ENTREP2: variants seen among roughly 807,000 people sequenced by gnomAD.
ENTREP2 encodes the protein protein ENTREP2.
At chr15:29,210,226 G>A in the ENTREP2 span, among the ~76,000 whole-genome samples, 8 of 152,150 alleles carry the variant, frequency 5.3e-5, no homozygotes, top group Admixed American at 2.6e-4. Flanking sequence ...CCCAGGGCCA[G>A]GTAAGGTACT....
At chr15:29,674,139 G>GGA in the ENTREP2 span, among the ~76,000 whole-genome samples, 1 of 149,898 alleles carries the variant, frequency 6.7e-6, no homozygotes, top group Non-Finnish European at 1.5e-5. Flanking sequence ...GGGGGGGGGG[G>GGA]GGGGCTTTGC....
the ENTREP2 span, among the ~76,000 whole-genome samples, chr15:29,175,531 G>A: frequency 6.6e-6 from 1 of 152,214 alleles, no homozygotes; most frequent in Non-Finnish European, 1.5e-5. Flanking sequence ...AATGCGTTTT[G>A]CAGTCTGAAC....
the ENTREP2 span, among the ~76,000 whole-genome samples, chr15:29,246,932 A>C: frequency 6.6e-6 from 1 of 151,578 alleles, no homozygotes. Context: ...GTGTAAAAAA[A>C]AATCCATAAA....
At chr15:29,135,235 C>T in the ENTREP2 span, among the ~76,000 whole-genome samples, 2 of 152,130 alleles carry the variant, frequency 1.3e-5, no homozygotes, top group Non-Finnish European at 2.9e-5. The surrounding 1 kb of genome is among the most constrained non-coding windows in gnomAD (Gnocchi z 7.4). Flanking sequence ...TCCTTGGCCA[C>T]CTGTCACGGG....
At chr15:29,533,031 T>C in the ENTREP2 span, among the ~76,000 whole-genome samples, 2 of 152,192 alleles carry the variant, frequency 1.3e-5, no homozygotes, top group African/African-American at 4.8e-5. Flanking sequence ...GTGCTCAGTG[T>C]GTGTTCCAAT....
At chr15:29,262,192 C>T in the ENTREP2 span, among the ~76,000 whole-genome samples, 22,505 of 151,812 alleles carry the variant, frequency 0.15, 2,021 homozygotes, top group Middle Eastern at 0.27. Context: ...GGTTTCCTTC[C>T]ATGGTTCCTG....
the ENTREP2 span, among the ~76,000 whole-genome samples, chr15:29,606,653 T>G: frequency 1.3e-5 from 2 of 152,276 alleles, no homozygotes; most frequent in African/African-American, 4.8e-5. Flanking sequence ...ATCCTGGTAA[T>G]AGTCTATTTT....
At chr15:29,567,339 C>T in the ENTREP2 span, among the ~76,000 whole-genome samples, 1 of 152,146 alleles carries the variant, frequency 6.6e-6, no homozygotes, top group Non-Finnish European at 1.5e-5. Context: ...TGTATCTTCA[C>T]CTTTCCAGGC....
At chr15:29,223,032 T>A in the ENTREP2 span, among the ~76,000 whole-genome samples, 2 of 152,282 alleles carry the variant, frequency 1.3e-5, no homozygotes, top group South Asian at 4.1e-4. Flanking sequence ...ACCTGGTCAG[T>A]CCTTAACAAA....
At chr15:29,277,236 C>T in the ENTREP2 span, among the ~76,000 whole-genome samples, 2 of 151,676 alleles carry the variant, frequency 1.3e-5, no homozygotes, top group Admixed American at 6.6e-5. Context: ...CCCAGCTACT[C>T]GGGAGGCTGA....
chr15:29,159,452 C>G, the ENTREP2 span, among the ~76,000 whole-genome samples: 1 of 152,186 alleles, frequency 6.6e-6, no homozygotes, highest in Admixed American at 6.5e-5. Flanking sequence ...GGCCGGGTTG[C>G]TACTGCTAGC....
chr15:29,488,746 G>T, the ENTREP2 span, among the ~76,000 whole-genome samples: 2 of 152,182 alleles, frequency 1.3e-5, no homozygotes, highest in Non-Finnish European at 2.9e-5. Context: ...GAGACCAGGG[G>T]ACCAGAAGGC....
At chr15:29,397,622 A>G in the ENTREP2 span, among the ~76,000 whole-genome samples, 1 of 152,176 alleles carries the variant, frequency 6.6e-6, no homozygotes, top group Non-Finnish European at 1.5e-5. Flanking sequence ...TAAATTCAAA[A>G]CCCAGGATGA....
At chr15:29,334,184 T>C in the ENTREP2 span, among the ~76,000 whole-genome samples, 1 of 152,132 alleles carries the variant, frequency 6.6e-6, no homozygotes, top group Non-Finnish European at 1.5e-5. Flanking sequence ...TGAACTTCAG[T>C]TTTACAGAGA....
At chr15:29,191,276 A>G in the ENTREP2 span, among the ~76,000 whole-genome samples, 317 of 152,272 alleles carry the variant, frequency 2.1e-3, no homozygotes, top group Non-Finnish European at 3.5e-3. Context: ...AATTATGCTA[A>G]CTATTTAAAT....
the ENTREP2 span, among the ~76,000 whole-genome samples, chr15:29,304,312 T>C: frequency 5.9e-5 from 9 of 151,968 alleles, no homozygotes; most frequent in African/African-American, 2.2e-4. Flanking sequence ...TCTACAGAAC[T>C]CTCCACCCAA....
the ENTREP2 span, among the ~76,000 whole-genome samples, chr15:29,488,481 G>C: frequency 6.6e-6 from 1 of 152,166 alleles, no homozygotes; most frequent in Non-Finnish European, 1.5e-5. Flanking sequence ...AGGTGCGAGT[G>C]AAAGGAACAC....
chr15:29,408,361 G>C, the ENTREP2 span, among the ~76,000 whole-genome samples: 1 of 152,304 alleles, frequency 6.6e-6, no homozygotes, highest in South Asian at 2.1e-4. Context: ...AAATAAGGTG[G>C]GAAAGTGTGG....
chr15:29,224,224 T>G, the ENTREP2 span, among the ~76,000 whole-genome samples: 1 of 152,132 alleles, frequency 6.6e-6, no homozygotes, highest in Admixed American at 6.5e-5. Flanking sequence ...CTGGAGTTGT[T>G]CGTTCCTCCC....
Sources: allele counts gnomAD v4.1 joint callset (sites outside exome capture counted in the v4.1 genomes callset), GRCh38; gene constraint gnomAD v4.1.1; non-coding constraint Gnocchi (gnomAD v3.1); transcripts MANE v1.5; gene names NCBI Gene and HGNC (gene_info 2026-07-23, HGNC 2026-07-21).